Variants in SNRPN observed in about 807,000 individuals in gnomAD.
SNRPN encodes the protein small nuclear ribonucleoprotein-associated protein N.
A neutral mutation model predicts 25.2 loss-of-function variants in SNRPN; 7 were observed. The observed-to-expected ratio is 0.28, with a 90% CI of 0.16 to 0.52. The LOEUF is 0.52. SNRPN is among the 20% of genes least tolerant of loss of function. SNRPN has a pLI of 0.96. For synonymous variants in SNRPN, 124 were observed against 110.6 expected (o/e 1.12, Z -0.76); for missense variants, 196 against 322.5 (o/e 0.61, Z 3.00).
chr15:24,935,901 G>A (rs1276484617), intron 3 of SNRPN, among the ~76,000 whole-genome samples: 3 of 152,032 alleles, frequency 2.0e-5, no homozygotes, highest in African/African-American at 4.8e-5. Flanking sequence ...GGTGGATCAC[G>A]AGGTCAGTTC....
At chr15:24,935,921 C>T (rs1316686210) in intron 3 of SNRPN, among the ~76,000 whole-genome samples, 1 of 151,892 alleles carries the variant, frequency 6.6e-6, no homozygotes, top group South Asian at 2.1e-4. Context: ...CAAGACCAGC[C>T]TGGCCAACAT....
chr15:24,905,518 A>C (rs1051777784), intron 2 of SNRPN, among the ~76,000 whole-genome samples: 1 of 152,090 alleles, frequency 6.6e-6, no homozygotes, highest in Non-Finnish European at 1.5e-5. Context: ...CAAAAAAAAA[A>C]AAAAAAAGAC....
intron 1 of SNRPN, among the ~76,000 whole-genome samples, chr15:24,863,691 C>G (rs5001649): frequency 6.7e-6 from 1 of 150,100 alleles, no homozygotes; most frequent in African/African-American, 2.5e-5. Context: ...ATATGTTTGC[C>G]TAATCATTCC....
chr15:24,876,425 T>A (rs570531227), intron 1 of SNRPN, among the ~76,000 whole-genome samples: 1 of 152,234 alleles, frequency 6.6e-6, no homozygotes, highest in South Asian at 2.1e-4. Context: ...GAGACCAGCC[T>A]GGCCAACATG....
At chr15:24,888,696 A>T (rs1007662273) in intron 2 of SNRPN, among the ~76,000 whole-genome samples, 4 of 152,148 alleles carry the variant, frequency 2.6e-5, no homozygotes, top group Admixed American at 6.6e-5. Context: ...TTTCCTACAG[A>T]TAGTCAACCA....
At chr15:24,882,810 C>T (rs1003692999) in intron 1 of SNRPN, among the ~76,000 whole-genome samples, 2 of 99,226 alleles carry the variant, frequency 2.0e-5, no homozygotes, top group African/African-American at 4.3e-5. Flanking sequence ...GGCGACAGAG[C>T]GAGACTCCAT....
intron 2 of SNRPN, among the ~76,000 whole-genome samples, chr15:24,841,542 G>A (rs750999675): frequency 1.3e-5 from 2 of 152,132 alleles, no homozygotes; most frequent in Non-Finnish European, 2.9e-5. Context: ...CCAAGCACCT[G>A]AGAAAAAACT....
At chr15:24,958,569 A>G (rs1409376544) in intron 1 of SNRPN, among the ~76,000 whole-genome samples, 2 of 141,068 alleles carry the variant, frequency 1.4e-5, no homozygotes, top group Non-Finnish European at 3.0e-5. Context: ...TCGAACTGCT[A>G]GACTCAAGCT....
At chr15:24,841,066 C>A (rs771295481) in intron 2 of SNRPN, among the ~76,000 whole-genome samples, 1 of 152,112 alleles carries the variant, frequency 6.6e-6, no homozygotes, top group African/African-American at 2.4e-5. Context: ...GGCTTAAACT[C>A]CTGACCTCGT....
intron 1 of SNRPN, among the ~76,000 whole-genome samples, chr15:24,878,606 A>G (rs1210413600): frequency 6.6e-6 from 1 of 152,154 alleles, no homozygotes; most frequent in African/African-American, 2.4e-5. Flanking sequence ...CTGGTCTTGC[A>G]CTTTATGTGT....
intron 2 of SNRPN, among the ~76,000 whole-genome samples, chr15:24,843,877 G>C (rs1165383449): frequency 6.6e-6 from 1 of 150,718 alleles, no homozygotes; most frequent in Non-Finnish European, 1.5e-5. Flanking sequence ...TGTGGCTAGG[G>C]CATGAGAATA....
intron 1 of SNRPN, among the ~76,000 whole-genome samples, chr15:24,876,002 C>T (rs959501379): frequency 1.1e-4 from 17 of 149,776 alleles, no homozygotes; most frequent in Middle Eastern, 3.5e-3. Context: ...TGCAGTGAGC[C>T]GAGACTGTGC....
intron 3 of SNRPN, among the ~76,000 whole-genome samples, chr15:24,932,771 T>G (rs2152896241): frequency 6.6e-6 from 1 of 152,144 alleles, no homozygotes; most frequent in South Asian, 2.1e-4. Context: ...TGCCTCAGCC[T>G]CCAAAGTAGC....
intron 2 of SNRPN, among the ~76,000 whole-genome samples, chr15:24,845,529 CG>C (rs139464751): frequency 0.014 from 2,066 of 151,568 alleles, 49 homozygotes; most frequent in African/African-American, 0.048. Context: ...ACCTGGCAGA[CG>C]GAAGTTGCAG....
At chr15:24,920,571 G>C (rs1357515866) in intron 3 of SNRPN, 1 of 152,180 alleles carries the variant, frequency 6.6e-6, no homozygotes, top group Admixed American at 6.6e-5. Flanking sequence ...TCACTAACCT[G>C]GGTTAGAGAA....
At chr15:24,866,604 G>A (rs971908176) in intron 1 of SNRPN, among the ~76,000 whole-genome samples, 11 of 152,046 alleles carry the variant, frequency 7.2e-5, no homozygotes, top group African/African-American at 2.4e-4. Flanking sequence ...TTTTTAACTA[G>A]AGAAACCATA....
intron 3 of SNRPN, among the ~76,000 whole-genome samples, chr15:24,973,835 G>A (rs1284259276): frequency 6.6e-6 from 1 of 152,172 alleles, no homozygotes; most frequent in Non-Finnish European, 1.5e-5. Flanking sequence ...AACACACTTG[G>A]CTCTTAGTGG....
rs371719754 is a variant in SNRPN, at chr15:24,887,267, G to C, written c.-505+678G>C. ...AGTTCAAGCGATTCTCCTGCCTCAG[G>C]CTCCCATGTAGCTGGGATTACAGGC... On this transcript the variant is annotated intron_variant, in intron 2 of 11. Coordinates refer to the SNRPN transcript ENST00000400097. 5.7e-4 allele frequency among the ~76,000 whole-genome samples: 87 copies of C among 151,506 alleles called. 1 individual carries two copies. The East Asian group carries it at 0.015, about 26-fold the overall frequency.
chr15:24,932,977 T>C (rs1449287396), intron 3 of SNRPN, among the ~76,000 whole-genome samples: 1 of 152,158 alleles, frequency 6.6e-6, no homozygotes, highest in African/African-American at 2.4e-5. Context: ...GAAAGTTTAC[T>C]TTTGACTGGG....
Sources: allele counts gnomAD v4.1 joint callset (sites outside exome capture counted in the v4.1 genomes callset), GRCh38; gene constraint gnomAD v4.1.1; transcripts MANE v1.5; gene names NCBI Gene and HGNC (gene_info 2026-07-23, HGNC 2026-07-21).